Variants in SLC5A1 observed in about 807,000 individuals in gnomAD.
The protein encoded by SLC5A1 is solute carrier family 5 member 1, also known as sodium/glucose cotransporter 1.
Under a neutral mutation model 73.5 loss-of-function variants are expected in SLC5A1, and 42 were observed. That is an observed-to-expected ratio of 0.57 (90% confidence interval 0.45 to 0.74). The LOEUF (loss-of-function observed/expected upper bound fraction) is 0.74. Among genes scored for constraint, SLC5A1 ranks in the 30% least tolerant of loss-of-function variants. SLC5A1 has a pLI of 0.00. For missense variants in SLC5A1, 634 were observed against 855.4 expected (o/e 0.74, Z 3.23); for synonymous variants, 300 against 317.4 (o/e 0.95, Z 0.58).
rs200691088 is a variant in SLC5A1, at chr22:32,066,997, T to A, written c.270T>A (p.Thr90=). Residue 90 remains threonine (T), a synonymous_variant, in exon 3 of 15, where the codon ACT becomes ACA. Coordinates refer to ENST00000266088, the MANE Select transcript of SLC5A1 (RefSeq NM_000343.4). ...GCCACTTTGTGGGGCTGGCCGGGAC[T>A]GGGGCAGCTTCAGGCATCGCCATTG... The part of the protein sequence containing the change: ...GSGHFVGLAG[T]GAASGIAIGG... 1 of 1,613,804 alleles carries A rather than the reference T, an allele frequency of 6.2e-7. No individual in the cohort carries two copies. Among genetic ancestry groups the A allele is most frequent in the Non-Finnish European group, 8.5e-7 (1 of 1,179,738 alleles).
At chr22:32,101,903 G>C in intron 12 of SLC5A1, 119 bp from the exon 13 acceptor site, 1 of 781,304 alleles carries the variant, frequency 1.3e-6, no homozygotes, top group Non-Finnish European at 2.2e-6. Context: ...AGACAGCCTG[G>C]AGCTACCACT....
chr22:32,104,993 T>C (rs1285673649), intron 14 of SLC5A1, 102 bp downstream of exon 14: 31 of 851,190 alleles, frequency 3.6e-5, no homozygotes, highest in Non-Finnish European at 2.4e-5. Context: ...AGAGCTCAGA[T>C]GTCTCCCCTC....
intron 5 of SLC5A1, among the ~76,000 whole-genome samples, chr22:32,078,591 C>A (rs2093994516): frequency 6.6e-6 from 1 of 152,104 alleles, no homozygotes. Flanking sequence ...TTTTAACCCC[C>A]CACACATACA....
At chr22:32,091,930 T>C (rs759721702) in intron 11 of SLC5A1, among the ~76,000 whole-genome samples, 168 bp downstream of exon 11, 34 of 152,184 alleles carry the variant, frequency 2.2e-4, no homozygotes, top group Admixed American at 1.3e-3. Context: ...TTACTTATTA[T>C]TTTATTTTAT....
At chr22:32,044,285 C>A (rs1188220826) in intron 1 of SLC5A1, among the ~76,000 whole-genome samples, 1 of 152,024 alleles carries the variant, frequency 6.6e-6, no homozygotes, top group Non-Finnish European at 1.5e-5. Context: ...TCAGCCTGGG[C>A]AACATAGTGA....
intron 5 of SLC5A1, among the ~76,000 whole-genome samples, chr22:32,070,501 T>TA (rs1324365265): frequency 6.6e-6 from 1 of 151,392 alleles, no homozygotes; most frequent in Non-Finnish European, 1.5e-5. Context: ...CCCAGCTAAT[T>TA]AAAAAATTCT....
At chr22:32,082,061 C>T (rs2094000886) in intron 6 of SLC5A1, 90 bp downstream of exon 6, 3 of 864,974 alleles carry the variant, frequency 3.5e-6, no homozygotes, top group Non-Finnish European at 6.0e-6. Context: ...GGTGGTTTCT[C>T]TTCTTGAGGA....
At chr22:32,062,421 T>C (rs2093964700) in intron 2 of SLC5A1, among the ~76,000 whole-genome samples, 1 of 152,228 alleles carries the variant, frequency 6.6e-6, no homozygotes, top group Non-Finnish European at 1.5e-5. Context: ...TGACATTATG[T>C]TATTTTCCCA....
Position 32,099,306 on chromosome 22 carries a change from G to A in SLC5A1, c.1404G>A (p.Ala468=), listed in dbSNP as rs767459349. 8.7e-6 allele frequency: 14 copies of A among 1,613,236 alleles called. No homozygotes were observed. The South Asian group carries it at 8.8e-5, about 10-fold the overall frequency. The stretch of plus-strand genomic sequence containing the variant: ...CCAGTTACTTGGGACCACCCATTGC[G>A]GCTGTCTTCCTGCTTGCTATTTTCT... ...SITSYLGPPI[A]AVFLLAIFWK... The change falls in exon 12 of 15, where the codon GCG becomes GCA. Residue 468 remains alanine (A), a synonymous_variant. Transcript: ENST00000266088.
chr22:32,083,839 T>C (rs1412453391), intron 7 of SLC5A1, among the ~76,000 whole-genome samples: 1 of 152,228 alleles, frequency 6.6e-6, no homozygotes, highest in African/African-American at 2.4e-5. Context: ...TTCTGTTTTC[T>C]AAGGACTTTC....
chr22:32,085,546 C>CTTTTT (rs35772243), intron 9 of SLC5A1, among the ~76,000 whole-genome samples: 1 of 119,140 alleles, frequency 8.4e-6, no homozygotes, highest in African/African-American at 3.1e-5. Context: ...TTGTTTCCTC[C>CTTTTT]TTTTTTTTTT....
intron 2 of SLC5A1, among the ~76,000 whole-genome samples, chr22:32,050,550 A>C (rs996680181): frequency 3.3e-5 from 5 of 152,204 alleles, no homozygotes; most frequent in African/African-American, 9.6e-5. Context: ...GTCTGAAAAC[A>C]TACTGGATAG....
chr22:32,066,147 A>G (rs2093972667), intron 2 of SLC5A1, among the ~76,000 whole-genome samples: 2 of 152,214 alleles, frequency 1.3e-5, no homozygotes, highest in Non-Finnish European at 2.9e-5. Context: ...TACCATTCAC[A>G]GTCTTATTCT....
Position 32,067,120 on chromosome 22 carries a change from C to G in SLC5A1, c.312+81C>G, listed in dbSNP as rs2093974770. The G allele has an allele frequency of 7.6e-6, 9 of 1,191,506 alleles. No individual in the cohort carries two copies. The South Asian group carries it at 9.9e-5, about 13-fold the overall frequency. 73.8% of individuals were successfully genotyped at this position (1,191,506 alleles called of 1,614,324 possible). On this transcript the variant is annotated intron_variant, in intron 3 of 14. Transcript: ENST00000266088. ...CCAGTTCAATCTATGCTCAGAGGAGCTGAAGATGTTAGGGAACCCTTCAGG... is the reference window on the plus strand; with the variant it reads ...CCAGTTCAATCTATGCTCAGAGGAGGTGAAGATGTTAGGGAACCCTTCAGG...
At chr22:32,044,424 T>C (rs946180562) in intron 1 of SLC5A1, among the ~76,000 whole-genome samples, 1 of 152,028 alleles carries the variant, frequency 6.6e-6, no homozygotes, top group Admixed American at 6.5e-5. Context: ...TAGCAGCTGG[T>C]GATTGTGTTG....
intron 2 of SLC5A1, among the ~76,000 whole-genome samples, chr22:32,051,843 C>T (rs1205424395): frequency 6.6e-6 from 1 of 152,202 alleles, no homozygotes; most frequent in Non-Finnish European, 1.5e-5. Flanking sequence ...GCTGTTGTAA[C>T]ACAAAAACAT....
intron 5 of SLC5A1, among the ~76,000 whole-genome samples, chr22:32,078,947 C>T (rs1174129216): frequency 2.6e-5 from 3 of 114,820 alleles, no homozygotes; most frequent in Admixed American, 2.1e-4. Context: ...GAGCAAGACT[C>T]TGTCTCCAAA....
At chr22:32,086,061 A>G (rs900679588) in intron 9 of SLC5A1, among the ~76,000 whole-genome samples, 159 bp from the exon 10 acceptor site, 3 of 151,808 alleles carry the variant, frequency 2.0e-5, no homozygotes, top group African/African-American at 7.3e-5. Context: ...GAATGGCGTG[A>G]ACCCGGGAGG....
Position 32,043,342 on chromosome 22 carries a change from G to A in SLC5A1, c.61G>A (p.Glu21Lys), listed in dbSNP as rs201083329. The A allele has an allele frequency of 9.3e-6, 15 of 1,614,016 alleles. No individual in the cohort carries two copies. The highest frequency in any genetic ancestry group is 6.6e-5 in the South Asian group (6 of 91,084). ...GGTCACCCGGCCTGTTGAGACCCAC[G>A]AGCTCATTCGCAATGCAGCCGATAT... is the stretch of plus-strand genomic sequence containing the variant. Reference protein sequence around the residue: ...TAVTRPVETHELIRNAADISI... With the variant: ...TAVTRPVETHKLIRNAADISI... The change falls in exon 1 of 15, where the codon GAG (glutamate) becomes AAG (lysine). Residue 21 changes from glutamate to lysine, a missense_variant. Transcript: ENST00000266088. The surrounding 1 kb of genome is among the most constrained non-coding windows in gnomAD (Gnocchi z 6.5).
Sources: allele counts gnomAD v4.1 joint callset (sites outside exome capture counted in the v4.1 genomes callset), GRCh38; gene constraint gnomAD v4.1.1; non-coding constraint Gnocchi (gnomAD v3.1); transcripts MANE v1.5; gene names NCBI Gene and HGNC (gene_info 2026-07-23, HGNC 2026-07-21).